ERICH3: variants seen among roughly 807,000 people sequenced by gnomAD.
ERICH3 encodes glutamate-rich protein 3.
In ERICH3, 126 loss-of-function variants were observed where a neutral mutation model predicts 131.1. The observed-to-expected ratio is 0.96, with a 90% CI of 0.83 to 1.11. The LOEUF (loss-of-function observed/expected upper bound fraction) is 1.11, where lower values mean the gene tolerates loss of function less well. Among genes scored for constraint, ERICH3 ranks in the 50% most tolerant of loss-of-function variants. The probability of loss-of-function intolerance (pLI) is 0.00; values close to 1 mark genes in which losing one functional copy is unlikely to be tolerated. For synonymous variants in ERICH3, 695 were observed against 644.6 expected, an observed-to-expected ratio of 1.08 and a Z score of -1.18; for missense variants, 2,050 against 1,810.7, an observed-to-expected ratio of 1.13 and a Z score of -2.40.
intron 1 of ERICH3, among the ~76,000 whole-genome samples, chr1:74,672,814 G>C (rs1227053304): frequency 6.6e-6 from 1 of 151,708 alleles, no homozygotes; most frequent in Non-Finnish European, 1.5e-5. Flanking sequence ...TAATGACGGT[G>C]TTCTTTCTAG....
At position 74,573,134 on chromosome 1, in the gene ERICH3, A is replaced by G. The variant is rs772438085; in HGVS notation, c.2576T>C (p.Ile859Thr). Residue 859 changes from isoleucine to threonine, a missense_variant, in exon 14 of 15, where the codon ATA becomes ACA. Physicochemically the swap from Ile to Thr is moderately conservative, Grantham distance 89 (BLOSUM62 -1). Transcript: ENST00000326665. ...AGCATCTTTTGCTGCTGCTTGTCCT[A>G]TGGGGTCTGACCCCCCTTCACCCAG... ...RRLGEGGSDP[I>T]GQAAAKDAVG... 8.7e-6 allele frequency: 14 copies of G among 1,613,580 alleles called. No individual in the cohort carries two copies. The East Asian group carries it at 1.1e-4, about 13-fold the overall frequency.
chr1:74,648,899 C>A (rs1646507591), intron 2 of ERICH3, among the ~76,000 whole-genome samples: 2 of 152,086 alleles, frequency 1.3e-5, no homozygotes, highest in African/African-American at 4.8e-5. Context: ...TCTCTATCTT[C>A]AATTCCTAAC....
intron 11 of ERICH3, among the ~76,000 whole-genome samples, chr1:74,596,138 A>T (rs1488973765): frequency 6.6e-6 from 1 of 152,076 alleles, no homozygotes; most frequent in Non-Finnish European, 1.5e-5. Context: ...AGTTTATAAG[A>T]TTTACTTCTT....
At chr1:74,667,376 A>G (rs542414920) in intron 1 of ERICH3, among the ~76,000 whole-genome samples, 7 of 152,218 alleles carry the variant, frequency 4.6e-5, no homozygotes, top group Non-Finnish European at 1.0e-4. Context: ...GTCATTCCAT[A>G]ACATACACTA....
chr1:74,653,421 G>A (rs372266130), intron 1 of ERICH3, among the ~76,000 whole-genome samples: 82 of 143,674 alleles, frequency 5.7e-4, no homozygotes, highest in African/African-American at 1.7e-3. Context: ...GAGAGAGAAC[G>A]AGAGAGAGAG....
At chr1:74,662,877 A>G (rs551303) in intron 1 of ERICH3, among the ~76,000 whole-genome samples, 84 of 152,284 alleles carry the variant, frequency 5.5e-4, no homozygotes, top group African/African-American at 1.9e-3. Context: ...CCAACCAGGC[A>G]TGGTGGCTCA....
intron 12 of ERICH3, chr1:74,586,617 G>A: frequency 3.5e-6 from 2 of 572,974 alleles, no homozygotes; most frequent in Non-Finnish European, 4.4e-6. Context: ...TTAAGAAAAT[G>A]TTTATAAATT....
intron 11 of ERICH3, among the ~76,000 whole-genome samples, chr1:74,595,404 T>C (rs1275216602): frequency 2.6e-5 from 4 of 152,086 alleles, no homozygotes; most frequent in African/African-American, 9.7e-5. Context: ...ATAGTTATTA[T>C]TATCAGATGA....
At chr1:74,626,093 A>G (rs1184271053) in intron 7 of ERICH3, 1 of 152,192 alleles carries the variant, frequency 6.6e-6, no homozygotes, top group Non-Finnish European at 1.5e-5. Context: ...AAAGTCTTAA[A>G]ATTTATTTCA....
intron 11 of ERICH3, among the ~76,000 whole-genome samples, chr1:74,596,321 T>A (rs1182747511): frequency 1.3e-5 from 2 of 151,800 alleles, no homozygotes; most frequent in African/African-American, 4.9e-5. Flanking sequence ...TAGTCTTTTT[T>A]TTCATTACTA....
chr1:74,620,686 A>G, intron 8 of ERICH3, 48 bp downstream of exon 8: 1 of 1,443,522 alleles, frequency 6.9e-7, no homozygotes, highest in Non-Finnish European at 9.3e-7. Context: ...CAGCTTATCT[A>G]TAACATCAAC....
At chr1:74,619,437 A>G (rs1649118608) in intron 8 of ERICH3, among the ~76,000 whole-genome samples, 1 of 152,234 alleles carries the variant, frequency 6.6e-6, no homozygotes. Context: ...GCTGAAAGTT[A>G]TACTTTAAAA....
chr1:74,570,009 A>AT lies in ERICH3; in HGVS notation c.*448dup, dbSNP rs924098456. 6.6e-6 allele frequency: 1 copy of AT among 152,200 alleles called. No homozygotes were observed. Among genetic ancestry groups the AT allele is most frequent in the Non-Finnish European group, 1.5e-5 (1 of 68,034 alleles). The allele number at this position is 152,200 out of a possible 1,614,324, so 9.4% of individuals were successfully genotyped here. The stretch of plus-strand genomic sequence containing the variant: ...AATTCATTAAAGCCCCAAACCACAG[A>AT]TTTTTAAATAAAATTCCCATGTATG... On this transcript the variant is annotated 3_prime_UTR_variant, in exon 15 of 15. Coordinates refer to ENST00000326665, the MANE Select transcript of ERICH3 (RefSeq NM_001002912.5).
chr1:74,631,272 T>TA (rs1159048468), intron 7 of ERICH3, among the ~76,000 whole-genome samples: 1 of 152,140 alleles, frequency 6.6e-6, no homozygotes, highest in Non-Finnish European at 1.5e-5. Context: ...TGTAATCTCT[T>TA]AAAAAATTAC....
At position 74,589,845 on chromosome 1, in the gene ERICH3, C is replaced by T; in HGVS notation, c.1962G>A (p.Val654=). Residue 654 remains valine, a synonymous_variant, in exon 12 of 15, where the codon GTG becomes GTA. Transcript: ENST00000326665. ...CGTCTATTGGCATCGGCTTGGTCTC[C>T]ACATCTGCTTTTGTTATTTCTTGGT... ...IEDQEITKAD[V]ETKPMPIDES... 1.2e-6 allele frequency: 2 copies of T among 1,614,082 alleles called. No individual in the cohort carries two copies. The highest frequency in any genetic ancestry group is 1.6e-4 in the Middle Eastern group (1 of 6,062).
chr1:74,646,304 G>A (rs1646482633), intron 3 of ERICH3, among the ~76,000 whole-genome samples: 1 of 152,024 alleles, frequency 6.6e-6, no homozygotes, highest in African/African-American at 2.4e-5. Context: ...TGGAAATTGA[G>A]GTACAGATGG....
At chr1:74,646,617 T>A (rs1646486346) in intron 3 of ERICH3, 50 bp downstream of exon 3, 1 of 1,032,996 alleles carries the variant, frequency 9.7e-7, no homozygotes, top group South Asian at 2.3e-5. Context: ...TTCAGTGATG[T>A]GGAAGTAGAA....
chr1:74,664,841 A>G (rs1181395931), intron 1 of ERICH3, among the ~76,000 whole-genome samples: 4 of 152,202 alleles, frequency 2.6e-5, no homozygotes, highest in Non-Finnish European at 5.9e-5. Flanking sequence ...TTAACAGTTC[A>G]ACACTTACCT....
chr1:74,587,421 A>G (rs1290547419), intron 12 of ERICH3, among the ~76,000 whole-genome samples: 1 of 151,960 alleles, frequency 6.6e-6, no homozygotes, highest in Non-Finnish European at 1.5e-5. Flanking sequence ...AGATAACAAA[A>G]TGTTTTAAAA....
Sources: allele counts gnomAD v4.1 joint callset (sites outside exome capture counted in the v4.1 genomes callset), GRCh38; gene constraint gnomAD v4.1.1; transcripts MANE v1.5; gene names NCBI Gene and HGNC (gene_info 2026-07-23, HGNC 2026-07-21).